MPDZ: variants seen among roughly 807,000 people sequenced by gnomAD.
The protein encoded by MPDZ is multiple PDZ domain protein.
A neutral mutation model predicts 239.1 loss-of-function variants in MPDZ; 234 were observed. That is an observed-to-expected ratio of 0.98 (90% CI 0.88 to 1.09). The LOEUF is 1.09. MPDZ is among the 50% of genes least tolerant of loss of function. The probability of loss-of-function intolerance (pLI) is 0.00; values close to 1 mark genes in which losing one functional copy is unlikely to be tolerated. For missense variants in MPDZ, 3,175 were observed against 2,510.0 expected (o/e 1.26, Z -5.66); for synonymous variants, 1,048 against 881.3 (o/e 1.19, Z -3.35).
At chr9:13,233,945 AG>A (rs1963253329) in intron 3 of MPDZ, among the ~76,000 whole-genome samples, 1 of 152,188 alleles carries the variant, frequency 6.6e-6, no homozygotes, top group Non-Finnish European at 1.5e-5. Context: ...CATTCCCAGA[AG>A]GAGTCCTTTA....
intron 7 of MPDZ, among the ~76,000 whole-genome samples, chr9:13,220,446 T>G (rs1273295249): frequency 6.6e-6 from 1 of 151,980 alleles, no homozygotes; most frequent in Non-Finnish European, 1.5e-5. Flanking sequence ...TAATTTTAAT[T>G]AACTTAAATT....
At chr9:13,118,604 G>C (rs575654276) in intron 39 of MPDZ, among the ~76,000 whole-genome samples, 33 of 152,108 alleles carry the variant, frequency 2.2e-4, no homozygotes, top group African/African-American at 7.7e-4. Context: ...TATTTCTTCA[G>C]GTCATAAAAC....
intron 24 of MPDZ, among the ~76,000 whole-genome samples, chr9:13,152,641 G>A (rs932343823): frequency 2.0e-5 from 3 of 151,682 alleles, no homozygotes; most frequent in African/African-American, 7.3e-5. Context: ...GCATGAAAAC[G>A]GACTAATATA....
intron 39 of MPDZ, among the ~76,000 whole-genome samples, chr9:13,116,645 T>C (rs531111745): frequency 6.6e-6 from 1 of 152,354 alleles, no homozygotes; most frequent in South Asian, 2.1e-4. Flanking sequence ...GTCCATACGT[T>C]ATTCACTGTG....
At chr9:13,172,894 C>T (rs1951975262) in intron 21 of MPDZ, among the ~76,000 whole-genome samples, 1 of 152,058 alleles carries the variant, frequency 6.6e-6, no homozygotes, top group South Asian at 2.1e-4. Context: ...CTCAAGTGTC[C>T]ATCAGTAGAT....
rs1312986060 is a variant in MPDZ at position 13,168,460 on chromosome 9, T to C, written c.3160A>G (p.Ile1054Val). 3 of 1,613,438 alleles carry C rather than the reference T, an allele frequency of 1.9e-6. No homozygotes were observed. Among genetic ancestry groups the C allele is most frequent in the Middle Eastern group, 1.6e-4 (1 of 6,080 alleles). ...GTAGACTCTTCATTAATGGACAAGATGCAGTCCCCAATGGCAATCCGGCCA... is the reference window on the plus strand; with the variant it reads ...GTAGACTCTTCATTAATGGACAAGACGCAGTCCCCAATGGCAATCCGGCCA... ...RDGRIAIGDC[I>V]LSINEESTIS... The change falls in exon 22 of 47, where the codon ATC becomes GTC. Residue 1054 changes from isoleucine to valine, a missense_variant. Ile to Val is a conservative substitution (Grantham distance 29). Coordinates refer to ENST00000319217, the MANE Select transcript of MPDZ (RefSeq NM_001378778.1).
chr9:13,165,102 T>C lies in MPDZ; in HGVS notation c.3255-2307A>G, dbSNP rs184221227. Reference sequence around the variant, plus strand: ...GCACGTGCAGACAGGATCGTTCCCTTACAAAGGAGCTTGAAAGCTTCATAA... The same window carrying C: ...GCACGTGCAGACAGGATCGTTCCCTCACAAAGGAGCTTGAAAGCTTCATAA... On this transcript the variant is annotated intron_variant, in intron 22 of 46. Coordinates refer to ENST00000319217, the MANE Select transcript of MPDZ (RefSeq NM_001378778.1). Among the ~76,000 whole-genome samples the C allele has an allele frequency of 3.9e-5, 6 of 152,248 alleles. No individual in the cohort carries two copies. In the East Asian group the frequency reaches 9.6e-4, roughly 24 times the overall value.
At chr9:13,209,030 G>T (rs982266020) in intron 10 of MPDZ, among the ~76,000 whole-genome samples, 1 of 152,112 alleles carries the variant, frequency 6.6e-6, no homozygotes, top group African/African-American at 2.4e-5. Flanking sequence ...AATGGTCTGC[G>T]CATGGCCAGA....
At chr9:13,119,967 T>A (rs2131538814) in intron 38 of MPDZ, 1 of 312,604 alleles carries the variant, frequency 3.2e-6, no homozygotes, top group Admixed American at 4.8e-5. Flanking sequence ...AAAGTAAGAC[T>A]TAAGAGTCAG....
In MPDZ at chr9:13,106,387, T is replaced by C. The variant is rs1434814777; in HGVS notation, c.*578A>G. 1 of 152,182 alleles carries C rather than the reference T, an allele frequency of 6.6e-6. No individual in the cohort carries two copies. Among genetic ancestry groups the C allele is most frequent in the Non-Finnish European group, 1.5e-5 (1 of 68,032 alleles). 9.4% of individuals were successfully genotyped at this position (152,182 alleles called of 1,614,324 possible). A position where few individuals can be genotyped will look rare whatever the true frequency, so the allele number is the denominator to read the frequency against. ...AACCAATTTTAGCAGGAAAAATATATATGCATATTAGAGGTGGGGAGATGC... is the reference window on the plus strand; with the variant it reads ...AACCAATTTTAGCAGGAAAAATATACATGCATATTAGAGGTGGGGAGATGC... On this transcript the variant is annotated 3_prime_UTR_variant, in exon 47 of 47. Coordinates refer to ENST00000319217, the MANE Select transcript of MPDZ (RefSeq NM_001378778.1).
chr9:13,260,213 T>C (rs571808165), intron 1 of MPDZ, among the ~76,000 whole-genome samples: 1 of 152,076 alleles, frequency 6.6e-6, no homozygotes, highest in Non-Finnish European at 1.5e-5. Flanking sequence ...CTGGCAATGG[T>C]ATGGAGGACA....
At chr9:13,205,878 T>A in intron 11 of MPDZ, 38 bp downstream of exon 11, 1 of 1,504,360 alleles carries the variant, frequency 6.6e-7, no homozygotes, top group Non-Finnish European at 8.9e-7. Flanking sequence ...GGAGACAATA[T>A]AAAGGTCTAA....
At chr9:13,185,750 T>C (rs1191493748) in intron 18 of MPDZ, among the ~76,000 whole-genome samples, 1 of 152,164 alleles carries the variant, frequency 6.6e-6, no homozygotes, top group Non-Finnish European at 1.5e-5. Context: ...AATTTTAATT[T>C]ATAATTTTTC....
intron 12 of MPDZ, among the ~76,000 whole-genome samples, chr9:13,199,744 C>G (rs1956153759): frequency 6.6e-6 from 1 of 151,860 alleles, no homozygotes; most frequent in African/African-American, 2.4e-5. Context: ...TCTTCAGCAT[C>G]TATTTGATGT....
At chr9:13,109,808 C>T (rs1942117573) in intron 45 of MPDZ, 144 bp downstream of exon 45, 1 of 651,874 alleles carries the variant, frequency 1.5e-6, no homozygotes, top group South Asian at 1.9e-5. Context: ...TTTAGAAGCA[C>T]CTGATATGTA....
intron 24 of MPDZ, among the ~76,000 whole-genome samples, chr9:13,155,042 C>A (rs1220819307): frequency 6.6e-6 from 1 of 152,006 alleles, no homozygotes; most frequent in Non-Finnish European, 1.5e-5. Flanking sequence ...CACGGTGAAA[C>A]CCCATCTTTA....
At chr9:13,206,669 G>A (rs957695084) in intron 10 of MPDZ, among the ~76,000 whole-genome samples, 2 of 151,564 alleles carry the variant, frequency 1.3e-5, no homozygotes, top group Admixed American at 6.6e-5. Context: ...TCAGCCTCCC[G>A]AATAGCTGGG....
chr9:13,111,081 T>C (rs556773616), intron 43 of MPDZ, among the ~76,000 whole-genome samples: 2 of 152,250 alleles, frequency 1.3e-5, no homozygotes, highest in South Asian at 4.1e-4. Flanking sequence ...CTCTGGACAT[T>C]ACTATTATAA....
chr9:13,114,232 G>GGTA (rs1942992888), intron 40 of MPDZ, among the ~76,000 whole-genome samples: 1 of 152,048 alleles, frequency 6.6e-6, no homozygotes, highest in Non-Finnish European at 1.5e-5. Flanking sequence ...AAGCTAAAAG[G>GGTA]GTAGATGAAA....
Sources: allele counts gnomAD v4.1 joint callset (sites outside exome capture counted in the v4.1 genomes callset), GRCh38; gene constraint gnomAD v4.1.1; transcripts MANE v1.5; gene names NCBI Gene and HGNC (gene_info 2026-07-23, HGNC 2026-07-21).